The following KIAA1217 variants were observed in gnomAD, a reference collection of about 807,000 sequenced individuals.
KIAA1217 encodes the protein KIAA1217, also known as sickle tail protein homolog.
In KIAA1217, 88 loss-of-function variants were observed where a neutral mutation model predicts 163.9. The observed-to-expected ratio is 0.54, with a 90% CI of 0.45 to 0.64. The LOEUF (loss-of-function observed/expected upper bound fraction) is 0.64, where lower values mean the gene tolerates loss of function less well. Among genes scored for constraint, KIAA1217 ranks in the 30% least tolerant of loss-of-function variants. The pLI, the probability that KIAA1217 is intolerant of heterozygous loss-of-function variation, is 0.00. For synonymous variants in KIAA1217, 903 were observed against 923.1 expected (o/e 0.98, Z 0.39); for missense variants, 2,372 against 2,475.0 (o/e 0.96, Z 0.88).
intron 1 of KIAA1217, among the ~76,000 whole-genome samples, chr10:23,894,675 A>C (rs1400820430): frequency 6.7e-6 from 1 of 148,298 alleles, no homozygotes; most frequent in Non-Finnish European, 1.5e-5. Context: ...AAGAGCCCGC[A>C]TCGCCAAGTC....
intron 1 of KIAA1217, among the ~76,000 whole-genome samples, chr10:23,817,988 TATATATATATATATATATATAC>T (rs1564447700): frequency 8.3e-6 from 1 of 120,408 alleles, no homozygotes; most frequent in Non-Finnish European, 1.7e-5. Flanking sequence ...TATATATATA[TATATATATATATATATATATAC>T]ACACATATAT....
chr10:23,888,444 T>C (rs1446026185), intron 1 of KIAA1217, among the ~76,000 whole-genome samples: 3 of 151,986 alleles, frequency 2.0e-5, no homozygotes, highest in Admixed American at 6.6e-5. Context: ...ACATCTATAA[T>C]GCATCTGAAA....
intron 2 of KIAA1217, among the ~76,000 whole-genome samples, chr10:24,326,711 G>A (rs914770718): frequency 2.2e-4 from 33 of 151,928 alleles, no homozygotes; most frequent in Non-Finnish European, 4.1e-4. Context: ...GTCCACAAAA[G>A]GTTTGTGGCA....
chr10:24,524,764 G>A lies in KIAA1217; in HGVS notation c.2898G>A (p.Glu966=), dbSNP rs200767034. The A allele has an allele frequency of 3.2e-6, 5 of 1,579,788 alleles. No homozygotes were observed. The highest frequency in any genetic ancestry group is 4.3e-6 in the Non-Finnish European group (5 of 1,158,522). ...VSAKNRAVSI[E]KAEKKWEEKR... is the part of the protein sequence containing the mutation. ...CCAAGAACAGGGCAGTGTCTATCGA[G>A]GTAGAGTCCTATTTCTGTTTCTCAT... The change falls in exon 13 of 21, where the codon GAG becomes GAA. Residue 966 remains glutamate, a splice_region_variant and synonymous_variant. Coordinates refer to ENST00000376454, the MANE Select transcript of KIAA1217 (RefSeq NM_019590.5).
At chr10:24,114,116 G>A (rs12265592) in intron 2 of KIAA1217, among the ~76,000 whole-genome samples, 13,773 of 152,058 alleles carry the variant, frequency 0.091, 1,905 homozygotes, top group African/African-American at 0.3. Flanking sequence ...AGTCAGCAGA[G>A]AGTTTAAGAC....
chr10:23,910,236 G>A (rs1245121558), intron 1 of KIAA1217, among the ~76,000 whole-genome samples: 2 of 151,746 alleles, frequency 1.3e-5, no homozygotes, highest in South Asian at 2.1e-4. Flanking sequence ...ACCGTGGCAC[G>A]TGTATACCTA....
intron 1 of KIAA1217, among the ~76,000 whole-genome samples, chr10:23,854,884 C>A (rs1410369599): frequency 6.6e-6 from 1 of 152,106 alleles, no homozygotes; most frequent in Non-Finnish European, 1.5e-5. Flanking sequence ...TTCCTCCATC[C>A]TTTTATTTTG....
intron 1 of KIAA1217, among the ~76,000 whole-genome samples, chr10:23,976,633 A>G (rs1564580182): frequency 6.6e-6 from 1 of 152,196 alleles, no homozygotes; most frequent in African/African-American, 2.4e-5. Context: ...TGGAGGAAAA[A>G]GAATTATTAG....
At chr10:24,299,484 G>A (rs1417948373) in intron 2 of KIAA1217, among the ~76,000 whole-genome samples, 1 of 152,022 alleles carries the variant, frequency 6.6e-6, no homozygotes. Context: ...CTGCAGCCTT[G>A]ACCTCCCTGG....
upstream of KIAA1217, among the ~76,000 whole-genome samples, chr10:24,206,348 T>C (rs1481753777): frequency 3.9e-5 from 6 of 152,308 alleles, no homozygotes; most frequent in African/African-American, 1.2e-4. Context: ...CTAGTTCAAA[T>C]AGTGTTTCTT....
chr10:24,442,738 T>C (rs1031897864), intron 5 of KIAA1217, among the ~76,000 whole-genome samples: 1 of 152,042 alleles, frequency 6.6e-6, no homozygotes. Context: ...AACATTGAGT[T>C]ACCAATGATT....
intron 3 of KIAA1217, among the ~76,000 whole-genome samples, chr10:24,429,815 G>A (rs1393185400): frequency 2.0e-5 from 3 of 152,232 alleles, no homozygotes; most frequent in East Asian, 3.9e-4. Flanking sequence ...TCGCTATGGG[G>A]TGACCAGACA....
intron 2 of KIAA1217, among the ~76,000 whole-genome samples, chr10:24,145,975 C>T (rs2064291657): frequency 6.6e-6 from 1 of 152,212 alleles, no homozygotes; most frequent in Admixed American, 6.5e-5. Flanking sequence ...TCTCCTTTGG[C>T]AACACTCACA....
intron 6 of KIAA1217, among the ~76,000 whole-genome samples, chr10:24,474,926 T>C (rs2063846775): frequency 6.6e-6 from 1 of 152,128 alleles, no homozygotes; most frequent in African/African-American, 2.4e-5. Context: ...GTATGAAAAA[T>C]AAGATGTCCA....
chr10:24,455,536 A>G (rs2061704072), intron 5 of KIAA1217, among the ~76,000 whole-genome samples: 1 of 152,254 alleles, frequency 6.6e-6, no homozygotes, highest in African/African-American at 2.4e-5. Flanking sequence ...GGACAGGACT[A>G]GAATGGATAA....
chr10:23,939,830 G>A (rs1188695484), intron 1 of KIAA1217, among the ~76,000 whole-genome samples: 1 of 151,194 alleles, frequency 6.6e-6, no homozygotes. Flanking sequence ...AGTGCATACA[G>A]AACTGGAACT....
chr10:23,881,295 C>A (rs1017823212), intron 1 of KIAA1217, among the ~76,000 whole-genome samples: 1 of 151,876 alleles, frequency 6.6e-6, no homozygotes, highest in Non-Finnish European at 1.5e-5. Context: ...CTTTCACTTA[C>A]AATTATGAAA....
chr10:23,827,279 T>C (rs191828265), intron 1 of KIAA1217, among the ~76,000 whole-genome samples: 38 of 152,288 alleles, frequency 2.5e-4, no homozygotes, highest in African/African-American at 8.9e-4. Flanking sequence ...GAAGACAAAG[T>C]TGAGAACCAC....
chr10:23,924,675 C>T (rs1015884536), intron 1 of KIAA1217, among the ~76,000 whole-genome samples: 2 of 152,148 alleles, frequency 1.3e-5, no homozygotes, highest in Non-Finnish European at 2.9e-5. Flanking sequence ...GCCTCCAGCG[C>T]TTTTTCTCCT....
Sources: allele counts gnomAD v4.1 joint callset (sites outside exome capture counted in the v4.1 genomes callset), GRCh38; gene constraint gnomAD v4.1.1; transcripts MANE v1.5; gene names NCBI Gene and HGNC (gene_info 2026-07-23, HGNC 2026-07-21).